PTPRR: variants seen among roughly 807,000 people sequenced by gnomAD.
PTPRR encodes the protein protein tyrosine phosphatase receptor type R, also known as receptor-type tyrosine-protein phosphatase R.
A neutral mutation model predicts 77.2 loss-of-function variants in PTPRR; 38 were observed. The ratio of observed to expected loss-of-function variants is 0.49; its 90% CI spans 0.38 to 0.65. PTPRR has a LOEUF of 0.65. Among genes scored for constraint, PTPRR ranks in the 30% least tolerant of loss-of-function variants. The probability of loss-of-function intolerance (pLI) is 0.00; values close to 1 mark genes in which losing one functional copy is unlikely to be tolerated. For synonymous variants in PTPRR, 299 were observed against 283.1 expected (o/e 1.06, Z -0.57); for missense variants, 744 against 799.2 (o/e 0.93, Z 0.83).
chr12:70,759,119 A>G (rs1234975116), intron 4 of PTPRR, among the ~76,000 whole-genome samples: 1 of 152,062 alleles, frequency 6.6e-6, no homozygotes, highest in African/African-American at 2.4e-5. Context: ...CTTTTTTTGT[A>G]AAGTCAGAGT....
At chr12:70,788,924 C>T in intron 2 of PTPRR, 1 of 1,455,496 alleles carries the variant, frequency 6.9e-7, no homozygotes, top group Non-Finnish European at 9.0e-7. Context: ...GCTTTCTAAG[C>T]TTGTGTGCTG....
chr12:70,759,531 A>G (rs1890639072), intron 4 of PTPRR, among the ~76,000 whole-genome samples: 1 of 151,942 alleles, frequency 6.6e-6, no homozygotes, highest in Non-Finnish European at 1.5e-5. Context: ...AATACAAAAA[A>G]TTAGCTGGGC....
intron 6 of PTPRR, among the ~76,000 whole-genome samples, chr12:70,701,620 T>TA (rs879835590): frequency 4.6e-5 from 7 of 151,590 alleles, no homozygotes; most frequent in South Asian, 2.1e-4. Context: ...AAAAATTAAG[T>TA]AAAAAAAAAT....
At chr12:70,733,427 C>CAACA (rs1555171072) in intron 6 of PTPRR, among the ~76,000 whole-genome samples, 7 of 27,056 alleles carry the variant, frequency 2.6e-4, no homozygotes, top group East Asian at 1.6e-3. Flanking sequence ...CAAACAACAA[C>CAACA]AAAAAAAAAA....
intron 2 of PTPRR, among the ~76,000 whole-genome samples, chr12:70,781,601 A>T (rs1293877316): frequency 6.6e-6 from 1 of 152,196 alleles, no homozygotes; most frequent in African/African-American, 2.4e-5. Flanking sequence ...GTTATTGAGT[A>T]AGTTTTTAAG....
In PTPRR at chr12:70,660,992, C is replaced by G; in HGVS notation, c.1714G>C (p.Glu572Gln). 1.2e-6 allele frequency: 2 copies of G among 1,613,896 alleles called. No individual in the cohort carries two copies. Among genetic ancestry groups the G allele is most frequent in the Non-Finnish European group, 1.7e-6 (2 of 1,179,944 alleles). Reference protein sequence around the residue: ...QPLLQLMLDVEEDRLASQGRG... With the variant: ...QPLLQLMLDVQEDRLASQGRG... ...CCCTGGGAAGCAAGTCTGTCTTCTT[C>G]TACATCCAGCATGAGCTGTAGGAGG... The change falls in exon 12 of 14, where the codon GAA becomes CAA. Residue 572 changes from glutamate to glutamine, a missense_variant. Glu to Gln is a conservative substitution (Grantham distance 29, BLOSUM62 2). Around this residue, in one of 3 missense-constraint regions of PTPRR, gnomAD observed 170 missense variants for 209.8 expected, o/e 0.81. Coordinates refer to ENST00000283228, the MANE Select transcript of PTPRR (RefSeq NM_002849.4).
intron 1 of PTPRR, among the ~76,000 whole-genome samples, chr12:70,911,406 T>C (rs545150972): frequency 6.6e-6 from 1 of 152,128 alleles, no homozygotes; most frequent in Non-Finnish European, 1.5e-5. Flanking sequence ...GAGGGATTAA[T>C]TAGGAAGATG....
chr12:70,688,919 A>C (rs938150847), intron 8 of PTPRR, among the ~76,000 whole-genome samples: 4 of 152,212 alleles, frequency 2.6e-5, no homozygotes, highest in Admixed American at 1.3e-4. Flanking sequence ...TATTATGCTA[A>C]ATGAAATAAG....
At chr12:70,650,747 C>A (rs1886366208) in intron 13 of PTPRR, among the ~76,000 whole-genome samples, 2 of 152,232 alleles carry the variant, frequency 1.3e-5, no homozygotes, top group Admixed American at 6.5e-5. Context: ...ATGCCTGTTC[C>A]ACAGAACACA....
Position 70,662,043 on chromosome 12 carries a change from G to T in PTPRR, c.1608+452C>A, listed in dbSNP as rs148342321. 4.2e-3 allele frequency among the ~76,000 whole-genome samples: 639 copies of T among 152,144 alleles called. 3 individuals carry two copies. The highest frequency in any genetic ancestry group is 0.015 in the African/African-American group (618 of 41,498). On this transcript the variant is annotated intron_variant, in intron 11 of 13. Transcript: ENST00000283228. ...TCCCTATAAATTACTGTAACTCCAC[G>T]CTTCTGAAGATCTCATCAACACTTC...
intron 5 of PTPRR, among the ~76,000 whole-genome samples, chr12:70,751,533 T>G (rs1890397729): frequency 6.6e-6 from 1 of 152,194 alleles, no homozygotes; most frequent in African/African-American, 2.4e-5. Flanking sequence ...CAGGCTAAGC[T>G]TATTCTAACT....
intron 1 of PTPRR, among the ~76,000 whole-genome samples, chr12:70,898,793 A>T (rs1893481309): frequency 6.6e-6 from 1 of 151,426 alleles, no homozygotes; most frequent in East Asian, 1.9e-4. Context: ...AGTGAAACAA[A>T]AGCTAGTTAT....
intron 6 of PTPRR, among the ~76,000 whole-genome samples, chr12:70,715,712 G>A (rs1025239203): frequency 1.8e-4 from 27 of 152,154 alleles, no homozygotes; most frequent in African/African-American, 2.7e-4. Flanking sequence ...TGCTCCGCCC[G>A]GCTCACTGGT....
chr12:70,744,595 T>G (rs2136923549), intron 6 of PTPRR, among the ~76,000 whole-genome samples: 1 of 152,236 alleles, frequency 6.6e-6, no homozygotes, highest in East Asian at 1.9e-4. Context: ...TCTGCAGTTC[T>G]TAAAATCCCA....
intron 2 of PTPRR, among the ~76,000 whole-genome samples, chr12:70,785,595 T>C (rs1891304189): frequency 6.6e-6 from 1 of 152,198 alleles, no homozygotes; most frequent in African/African-American, 2.4e-5. Flanking sequence ...CTGGAGGAGA[T>C]AAAGCTTCCA....
At chr12:70,804,588 A>T (rs542955435) in intron 2 of PTPRR, among the ~76,000 whole-genome samples, 57 of 152,270 alleles carry the variant, frequency 3.7e-4, no homozygotes, top group African/African-American at 1.3e-3. Flanking sequence ...TAATTAAATA[A>T]GAAGTAAACT....
chr12:70,733,414 A>G (rs1448544762), intron 6 of PTPRR, among the ~76,000 whole-genome samples: 2 of 137,762 alleles, frequency 1.5e-5, no homozygotes, highest in African/African-American at 5.6e-5. Context: ...AAAAAAATAC[A>G]AACAAACAAC....
intron 5 of PTPRR, among the ~76,000 whole-genome samples, chr12:70,747,936 A>T (rs1282083682): frequency 2.0e-5 from 3 of 152,074 alleles, no homozygotes; most frequent in Admixed American, 2.0e-4. Context: ...ACTGGCAGGG[A>T]TTTTGCCCTC....
chr12:70,738,949 G>T (rs540143920), intron 6 of PTPRR, among the ~76,000 whole-genome samples: 5 of 152,244 alleles, frequency 3.3e-5, no homozygotes, highest in African/African-American at 1.2e-4. Context: ...ACCTGGACTC[G>T]CCATGAGAAA....
Sources: gnomAD v4.1 joint callset for allele counts (sites outside exome capture counted in the v4.1 genomes callset) on GRCh38, gnomAD v4.1.1 for gene constraint, gnomAD v4.1.1 regional missense constraint, MANE v1.5 for transcripts, NCBI Gene and HGNC (gene_info 2026-07-23, HGNC 2026-07-21) for gene names.